Variants in NAGLU observed in about 807,000 individuals in gnomAD.
The protein encoded by NAGLU is alpha-N-acetylglucosaminidase.
In NAGLU, 34 loss-of-function variants were observed where a neutral mutation model predicts 43.4. That is an observed-to-expected ratio of 0.78 (90% CI 0.60 to 1.04). NAGLU has a LOEUF of 1.04. NAGLU is among the 50% of genes least tolerant of loss of function. The probability of loss-of-function intolerance (pLI) is 0.00; values close to 1 mark genes in which losing one functional copy is unlikely to be tolerated. For synonymous variants in NAGLU, 425 were observed against 437.6 expected (o/e 0.97, Z 0.36); for missense variants, 910 against 993.7 (o/e 0.92, Z 1.13).
chr17:42,536,689 G>C, intron 1 of NAGLU, 34 bp downstream of exon 1: 1 of 1,430,736 alleles, frequency 7.0e-7, no homozygotes, highest in Non-Finnish European at 9.2e-7. Flanking sequence ...GTCCGCCCGA[G>C]GCGCTTACCC....
Position 42,537,538 on chromosome 17 carries a change from G to C in NAGLU, c.524G>C (p.Trp175Ser). 3.7e-6 allele frequency: 6 copies of C among 1,613,892 alleles called. No homozygotes were observed. Among genetic ancestry groups the C allele is most frequent in the Non-Finnish European group, 5.1e-6 (6 of 1,180,000 alleles). ...ALAWSGQEAIWQRVYLALGLT... is the reference protein window; with the variant it reads ...ALAWSGQEAISQRVYLALGLT... The stretch of plus-strand genomic sequence containing the variant: ...GCCTGGAGCGGCCAGGAGGCCATCT[G>C]GCAGCGGGTGCGTGCCCACTGTCCC... Residue 175 changes from tryptophan (W) to serine (S), a missense_variant, in exon 2 of 6, where the codon TGG becomes TCG. Physicochemically the swap from Trp to Ser is radical, Grantham distance 177. Coordinates refer to ENST00000225927, the MANE Select transcript of NAGLU (RefSeq NM_000263.4).
In NAGLU at chr17:42,543,803, C is replaced by G. The variant is rs146715254; in HGVS notation, c.1797C>G (p.Ala599=). 73 of 1,607,318 alleles carry G rather than the reference C, an allele frequency of 4.5e-5. No individual in the cohort carries two copies. The African/African-American group carries it at 9.6e-4, about 21-fold the overall frequency. Residue 599 remains alanine, a synonymous_variant, in exon 6 of 6, where the codon GCC becomes GCG. Coordinates refer to ENST00000225927, the MANE Select transcript of NAGLU (RefSeq NM_000263.4). ...TGTTGAGGGCTGGAGGCGTCCTGGC[C>G]TATGAGCTGCTGCCGGCACTGGACG... ...ASLLRAGGVL[A]YELLPALDEV...
Position 42,543,866 on chromosome 17 carries a change from C to G in NAGLU, c.1860C>G (p.Ser620Arg). The G allele has an allele frequency of 1.2e-6, 2 of 1,603,070 alleles. No homozygotes were observed. The highest frequency in any genetic ancestry group is 3.3e-4 in the Middle Eastern group (2 of 6,046). Residue 620 changes from serine to arginine, a missense_variant, in exon 6 of 6, where the codon AGC becomes AGG. Transcript: ENST00000225927. ...LASDSRFLLG[S>R]WLEQARAAAV... Reference sequence around the variant, plus strand: ...GTGACAGCCGCTTCTTGCTGGGCAGCTGGCTAGAGCAGGCCCGAGCAGCGG... The same window carrying G: ...GTGACAGCCGCTTCTTGCTGGGCAGGTGGCTAGAGCAGGCCCGAGCAGCGG...
chr17:42,543,421 C>G lies in NAGLU; in HGVS notation c.1415C>G (p.Ala472Gly). Residue 472 changes from alanine (A) to glycine (G), a missense_variant, in exon 6 of 6, where the codon GCA becomes GGA. Transcript: ENST00000225927. ...GWRKDPVPDL[A>G]AWVTSFAARR... Reference sequence around the variant, plus strand: ...CGAAAGGACCCAGTGCCAGATTTGGCAGCCTGGGTGACCAGCTTTGCCGCC... The same window carrying G: ...CGAAAGGACCCAGTGCCAGATTTGGGAGCCTGGGTGACCAGCTTTGCCGCC... 1 of 1,601,852 alleles carries G rather than the reference C, an allele frequency of 6.2e-7. No homozygotes were observed. The highest frequency in any genetic ancestry group is 8.5e-7 in the Non-Finnish European group (1 of 1,175,058).
chr17:42,537,462 T>A lies in NAGLU; in HGVS notation c.448T>A (p.Trp150Arg). Reference protein sequence around the residue: ...YSFVWWDWARWEREIDWMALN... With the variant: ...YSFVWWDWARREREIDWMALN... ...TTTCGTGTGGTGGGACTGGGCCCGC[T>A]GGGAGCGAGAGATAGACTGGATGGC... Residue 150 changes from tryptophan (W) to arginine (R), a missense_variant, in exon 2 of 6, where the codon TGG becomes AGG. Transcript: ENST00000225927. The A allele has an allele frequency of 6.2e-7, 1 of 1,614,234 alleles. No homozygotes were observed. The highest frequency in any genetic ancestry group is 8.5e-7 in the Non-Finnish European group (1 of 1,180,034).
intron 5 of NAGLU, 126 bp downstream of exon 5, chr17:42,541,332 T>C: frequency 7.3e-7 from 1 of 1,372,860 alleles, no homozygotes; most frequent in Non-Finnish European, 1.0e-6. Flanking sequence ...ACTTCATAGT[T>C]TACCAAGCAC....
intron 1 of NAGLU, chr17:42,536,952 C>G: frequency 1.9e-6 from 1 of 539,840 alleles, no homozygotes; most frequent in East Asian, 3.9e-5. Context: ...CTTCCTCCCC[C>G]ACCTTCTCTT....
rs540899316 is a variant in NAGLU at position 42,536,469 on chromosome 17, G to T, written c.197G>T (p.Ser66Ile). The T allele has an allele frequency of 4.1e-6, 5 of 1,223,224 alleles. No individual in the cohort carries two copies. The East Asian group carries it at 1.6e-4, about 38-fold the overall frequency. The allele number at this position is 1,223,224 out of a possible 1,614,324, so 75.8% of individuals were successfully genotyped here. A position where few individuals can be genotyped will look rare whatever the true frequency, so the allele number is the denominator to read the frequency against. The change falls in exon 1 of 6, where the codon AGC becomes ATC. Residue 66 changes from serine to isoleucine, a missense_variant. Ser to Ile is a moderately radical substitution (Grantham distance 142, BLOSUM62 -2). Coordinates refer to ENST00000225927, the MANE Select transcript of NAGLU (RefSeq NM_000263.4). ...LAAKPGLDTY[S>I]LGGGGAARVR... is the part of the protein sequence containing the mutation. ...GCCAAGCCGGGCTTGGACACCTACA[G>T]CCTGGGCGGCGGCGGCGCGGCGCGC...
chr17:42,537,056 G>A (rs2092908355), intron 1 of NAGLU: 2 of 459,572 alleles, frequency 4.4e-6, no homozygotes, highest in African/African-American at 2.0e-5. Context: ...TGTTCACACA[G>A]CTGTCCTCCC....
chr17:42,544,140 A>AAGCAGAGGTACCCCAGCC lies in NAGLU; in HGVS notation c.2138_2155dup (p.Gln713_Gln718dup). 6.2e-7 allele frequency: 1 copy of AAGCAGAGGTACCCCAGCC among 1,614,016 alleles called. No homozygotes were observed. Among genetic ancestry groups the AAGCAGAGGTACCCCAGCC allele is most frequent in the South Asian group, 1.1e-5 (1 of 91,076 alleles). ...ACTGGAGCAGGCCTTCGTTCTCAGCAAGCAGAGGTACCCCAGCCAGCCGCG... is the reference window on the plus strand; with the variant it reads ...ACTGGAGCAGGCCTTCGTTCTCAGCAAGCAGAGGTACCCCAGCCAGCAGAGGTACCCCAGCCAGCCGCG... On this transcript the variant is annotated inframe_insertion, in exon 6 of 6. Transcript: ENST00000225927.
At chr17:42,537,353 A>C in intron 1 of NAGLU, 45 bp from the exon 2 acceptor site, 2 of 1,613,038 alleles carry the variant, frequency 1.2e-6, no homozygotes, top group Non-Finnish European at 1.7e-6. Context: ...AGGGCCGTGG[A>C]CCCTCCAGGG....
rs62075833 is a variant in NAGLU, at chr17:42,540,168, A to G, written c.765-782A>G. Among the ~76,000 whole-genome samples, 734 of 151,480 alleles carry G rather than the reference A, an allele frequency of 4.8e-3. 1 individual carries two copies. The highest frequency in any genetic ancestry group is 6.9e-3 in the Non-Finnish European group (466 of 67,850). On this transcript the variant is annotated intron_variant, in intron 4 of 5. Transcript: ENST00000225927. Reference sequence around the variant, plus strand: ...TTAAACACCTCATGTTCTCACTCATAGTGGGAGTTGAACAATGAGAACAAC... The same window carrying G: ...TTAAACACCTCATGTTCTCACTCATGGTGGGAGTTGAACAATGAGAACAAC...
At chr17:42,539,292 A>G (rs191043003) in intron 4 of NAGLU, among the ~76,000 whole-genome samples, 65 of 152,292 alleles carry the variant, frequency 4.3e-4, no homozygotes, top group African/African-American at 1.5e-3. Flanking sequence ...CTCTCGATCT[A>G]TCTGTGACTT....
chr17:42,537,260 G>T, intron 1 of NAGLU, 138 bp from the exon 2 acceptor site: 4 of 1,304,604 alleles, frequency 3.1e-6, no homozygotes, highest in Non-Finnish European at 4.3e-6. Context: ...AGCTCCACCT[G>T]GGGTGGGTCC....
In NAGLU at chr17:42,543,794, C is replaced by T. The variant is rs115166595; in HGVS notation, c.1788C>T (p.Gly596=). The change falls in exon 6 of 6, where the codon GGC becomes GGT. Residue 596 remains glycine (G), a synonymous_variant. Coordinates refer to ENST00000225927, the MANE Select transcript of NAGLU (RefSeq NM_000263.4). ...TGGCCTCCCTGTTGAGGGCTGGAGG[C>T]GTCCTGGCCTATGAGCTGCTGCCGG... The part of the protein sequence containing the change: ...KELASLLRAG[G]VLAYELLPAL... 6.0e-3 allele frequency: 9,688 copies of T among 1,608,708 alleles called. 36 individuals carry two copies. The highest frequency in any genetic ancestry group is 0.018 in the Middle Eastern group (110 of 6,056).
In NAGLU at chr17:42,543,307, C is replaced by G; in HGVS notation, c.1301C>G (p.Pro434Arg). The G allele has an allele frequency of 6.2e-7, 1 of 1,613,742 alleles. No individual in the cohort carries two copies. The highest frequency in any genetic ancestry group is 2.2e-5 in the East Asian group (1 of 44,890). ...GGCCCAGAAGCTGCCCGCCTCTTCC[C>G]CAACTCCACCATGGTAGGCACGGGC... is the stretch of plus-strand genomic sequence containing the variant. ...NGGPEAARLF[P>R]NSTMVGTGMA... Residue 434 changes from proline to arginine, a missense_variant, in exon 6 of 6, where the codon CCC becomes CGC. Pro to Arg is a moderately radical substitution (Grantham distance 103). Coordinates refer to ENST00000225927, the MANE Select transcript of NAGLU (RefSeq NM_000263.4).
chr17:42,543,872 A>G lies in NAGLU; in HGVS notation c.1866A>G (p.Leu622=). 6.2e-7 allele frequency: 1 copy of G among 1,604,474 alleles called. No individual in the cohort carries two copies. Among genetic ancestry groups the G allele is most frequent in the Non-Finnish European group, 8.5e-7 (1 of 1,175,896 alleles). The change falls in exon 6 of 6, where the codon CTA becomes CTG. Residue 622 remains leucine (L), a synonymous_variant. Transcript: ENST00000225927. ...GCCGCTTCTTGCTGGGCAGCTGGCTAGAGCAGGCCCGAGCAGCGGCAGTCA... is the reference window on the plus strand; with the variant it reads ...GCCGCTTCTTGCTGGGCAGCTGGCTGGAGCAGGCCCGAGCAGCGGCAGTCA... ...SDSRFLLGSW[L]EQARAAAVSE...
intron 1 of NAGLU, chr17:42,536,866 G>A (rs1599254295): frequency 2.0e-6 from 2 of 1,021,780 alleles, no homozygotes; most frequent in East Asian, 6.0e-5. Flanking sequence ...CTACCGTGCA[G>A]TGTTATTGTG....
rs374628630 is a variant in NAGLU, at chr17:42,542,260, C to T, written c.1022-768C>T. On this transcript the variant is annotated intron_variant, in intron 5 of 5. Coordinates refer to ENST00000225927, the MANE Select transcript of NAGLU (RefSeq NM_000263.4). The stretch of plus-strand genomic sequence containing the variant: ...TGTATTTTTAGTAGAGACGGGGTTT[C>T]GCTATGTAGGTCAAGCTGGTTTCAA... Among the ~76,000 whole-genome samples the T allele has an allele frequency of 1.4e-4, 22 of 152,260 alleles. No homozygotes were observed. The South Asian group carries it at 4.6e-3, about 32-fold the overall frequency.
Sources: allele counts gnomAD v4.1 joint callset (sites outside exome capture counted in the v4.1 genomes callset), GRCh38; gene constraint gnomAD v4.1.1; transcripts MANE v1.5; gene names NCBI Gene and HGNC (gene_info 2026-07-23, HGNC 2026-07-21).